Variants in ADISSP observed in about 807,000 individuals in gnomAD.
The protein encoded by ADISSP is adipose secreted signaling protein, also known as adipose-secreted signaling protein.
the ADISSP span, among the ~76,000 whole-genome samples, chr20:3,756,015 G>C: frequency 6.6e-6 from 1 of 152,184 alleles, no homozygotes; most frequent in Non-Finnish European, 1.5e-5. Context: ...TGCCTACAAG[G>C]GAAAGTTCAA....
At chr20:3,755,751 G>C in the ADISSP span, 1 of 651,422 alleles carries the variant, frequency 1.5e-6, no homozygotes, top group East Asian at 2.8e-5. Context: ...CATCACTCCA[G>C]CTGATCGACC....
the ADISSP span, chr20:3,760,040 GA>G: frequency 6.2e-7 from 1 of 1,613,180 alleles, no homozygotes; most frequent in Non-Finnish European, 8.5e-7. Flanking sequence ...GGGCCCACCG[GA>G]AGAGCTTGTG....
the ADISSP span, among the ~76,000 whole-genome samples, chr20:3,766,462 G>A: frequency 6.6e-6 from 1 of 151,910 alleles, no homozygotes; most frequent in African/African-American, 2.4e-5. Flanking sequence ...GTGGGGGTGG[G>A]GGAATATGGA....
At chr20:3,759,956 C>A in the ADISSP span, 2 of 1,418,868 alleles carry the variant, frequency 1.4e-6, no homozygotes, top group Non-Finnish European at 1.9e-6. This position sits in a 1 kb window ranked among gnomAD's most constrained non-coding sequence, Gnocchi z 4.6. Context: ...CACACCAGCA[C>A]ACACGCACTC....
the ADISSP span, chr20:3,755,413 C>A: frequency 6.5e-7 from 1 of 1,545,688 alleles, no homozygotes; most frequent in Non-Finnish European, 8.8e-7. Context: ...AGTAAGGGAG[C>A]ACCCCATGTT....
the ADISSP span, among the ~76,000 whole-genome samples, chr20:3,757,206 T>C: frequency 6.6e-6 from 1 of 151,834 alleles, no homozygotes; most frequent in Non-Finnish European, 1.5e-5. Flanking sequence ...AAAAATTAGC[T>C]GAGAGTGGTG....
At chr20:3,767,017 A>C in the ADISSP span, among the ~76,000 whole-genome samples, 2 of 151,956 alleles carry the variant, frequency 1.3e-5, no homozygotes, top group Non-Finnish European at 2.9e-5. Flanking sequence ...CCAAGGGTCC[A>C]GGTGTAGGAC....
the ADISSP span, among the ~76,000 whole-genome samples, chr20:3,764,317 T>A: frequency 0.66 from 100,271 of 152,150 alleles, 34,598 homozygotes; most frequent in African/African-American, 0.86. Flanking sequence ...CTGAAGGCTC[T>A]GGTTAAACTG....
the ADISSP span, among the ~76,000 whole-genome samples, chr20:3,754,898 G>T: frequency 6.6e-6 from 1 of 152,160 alleles, no homozygotes; most frequent in African/African-American, 2.4e-5. Context: ...GAGCAGATCC[G>T]ATGGCAAGAG....
the ADISSP span, among the ~76,000 whole-genome samples, chr20:3,766,965 T>C: frequency 1.3e-5 from 2 of 151,936 alleles, no homozygotes; most frequent in Non-Finnish European, 2.9e-5. Context: ...CCCTCCTCCT[T>C]CATACCACCG....
chr20:3,756,102 T>C, the ADISSP span, among the ~76,000 whole-genome samples: 6 of 152,124 alleles, frequency 3.9e-5, no homozygotes, highest in Non-Finnish European at 7.3e-5. Flanking sequence ...CATTCGCTCA[T>C]AGGATGACAC....
chr20:3,760,025 T>C, the ADISSP span: 3 of 1,610,252 alleles, frequency 1.9e-6, no homozygotes, highest in Non-Finnish European at 2.5e-6. Context: ...ATGGCCCTCC[T>C]ACCAGGGCCC....
the ADISSP span, among the ~76,000 whole-genome samples, chr20:3,766,063 G>A: frequency 6.6e-6 from 1 of 152,116 alleles, no homozygotes; most frequent in Non-Finnish European, 1.5e-5. Flanking sequence ...GTGGTTCGAG[G>A]TCTTTCTCTC....
the ADISSP span, chr20:3,753,621 C>T: frequency 9.6e-6 from 2 of 208,572 alleles, no homozygotes; most frequent in Non-Finnish European, 2.0e-5. Context: ...CCCTCCTACT[C>T]ATGGTGGACA....
At chr20:3,754,142 C>T in the ADISSP span, 51 of 1,612,218 alleles carry the variant, frequency 3.2e-5, no homozygotes, top group South Asian at 2.2e-4. Context: ...GCAGCATGGG[C>T]GTGCCGTGGT....
chr20:3,758,176 G>A, the ADISSP span, among the ~76,000 whole-genome samples: 1 of 152,208 alleles, frequency 6.6e-6, no homozygotes, highest in Non-Finnish European at 1.5e-5. The surrounding 1 kb of genome is among the most constrained non-coding windows in gnomAD (Gnocchi z 5.5). Flanking sequence ...GGATGTGATT[G>A]TCTCCACTTG....
the ADISSP span, among the ~76,000 whole-genome samples, chr20:3,758,191 A>G: frequency 3.9e-5 from 6 of 152,192 alleles, no homozygotes; most frequent in African/African-American, 1.2e-4. This position sits in a 1 kb window ranked among gnomAD's most constrained non-coding sequence, Gnocchi z 5.5. Flanking sequence ...CACTTGAGAG[A>G]AAAGAAACTC....
At chr20:3,763,454 G>A in the ADISSP span, among the ~76,000 whole-genome samples, 1 of 151,666 alleles carries the variant, frequency 6.6e-6, no homozygotes. Context: ...CTACTCGGGA[G>A]GCTGAGGCAG....
At chr20:3,759,127 T>A in the ADISSP span, among the ~76,000 whole-genome samples, 3 of 152,098 alleles carry the variant, frequency 2.0e-5, no homozygotes, top group Admixed American at 2.0e-4. The surrounding 1 kb of genome is among the most constrained non-coding windows in gnomAD (Gnocchi z 4.6). Flanking sequence ...CTGCCCATCC[T>A]CATGACCCAA....
Sources: gnomAD v4.1 joint callset for allele counts (sites outside exome capture counted in the v4.1 genomes callset) on GRCh38, gnomAD v4.1.1 for gene constraint, Gnocchi (gnomAD v3.1) non-coding constraint, MANE v1.5 for transcripts, NCBI Gene and HGNC (gene_info 2026-07-23, HGNC 2026-07-21) for gene names.